Variants in KCND2 observed in about 807,000 individuals in gnomAD.
KCND2 encodes potassium voltage-gated channel subfamily D member 2.
Under a neutral mutation model 54.4 loss-of-function variants are expected in KCND2, and 16 were observed. The observed-to-expected ratio is 0.29, with a 90% CI of 0.20 to 0.45. KCND2 has a LOEUF of 0.45. KCND2 is among the 20% of genes least tolerant of loss of function. The probability of loss-of-function intolerance (pLI) is 1.00; values close to 1 mark genes in which losing one functional copy is unlikely to be tolerated. For synonymous variants in KCND2, 317 were observed against 310.7 expected (o/e 1.02, Z -0.21); for missense variants, 486 against 824.2 (o/e 0.59, Z 5.02).
At chr7:120,713,188 C>CT (rs1234385716) in intron 1 of KCND2, among the ~76,000 whole-genome samples, 1 of 152,128 alleles carries the variant, frequency 6.6e-6, no homozygotes, top group Non-Finnish European at 1.5e-5. Context: ...CCAAGGAGGA[C>CT]TAAAGCTCAG....
chr7:120,685,390 C>T (rs2116595305), intron 1 of KCND2, among the ~76,000 whole-genome samples: 1 of 152,218 alleles, frequency 6.6e-6, no homozygotes, highest in Middle Eastern at 3.4e-3. Flanking sequence ...ATGAGTCTGT[C>T]CAGGTTCTCA....
In KCND2 at chr7:120,594,355, T is replaced by C. The variant is rs1430192335; in HGVS notation, c.1116-138548T>C. Reference sequence around the variant, plus strand: ...ACAAATTACCATAGACTGGGTGGCTTAAGCAACAAGCATTTATTTCTCACA... The same window carrying C: ...ACAAATTACCATAGACTGGGTGGCTCAAGCAACAAGCATTTATTTCTCACA... On this transcript the variant is annotated intron_variant, in intron 1 of 5. Transcript: ENST00000331113. Among the ~76,000 whole-genome samples, 3 of 151,770 alleles carry C rather than the reference T, an allele frequency of 2.0e-5. No individual in the cohort carries two copies. The East Asian group carries it at 5.8e-4, about 29-fold the overall frequency.
intron 1 of KCND2, among the ~76,000 whole-genome samples, chr7:120,307,895 C>CT (rs1799671368): frequency 6.6e-6 from 1 of 152,022 alleles, no homozygotes; most frequent in Non-Finnish European, 1.5e-5. Context: ...GAAATAACTG[C>CT]TTTTTTGTGA....
At chr7:120,546,633 C>G (rs1160078162) in intron 1 of KCND2, among the ~76,000 whole-genome samples, 3 of 152,026 alleles carry the variant, frequency 2.0e-5, no homozygotes, top group East Asian at 3.9e-4. Context: ...TATAATTCTT[C>G]TATCTCCTGG....
chr7:120,345,132 C>A (rs1186567952), intron 1 of KCND2, among the ~76,000 whole-genome samples: 2 of 152,078 alleles, frequency 1.3e-5, no homozygotes, highest in East Asian at 3.9e-4. Flanking sequence ...AAAACACCCA[C>A]AATGTATAAT....
chr7:120,642,580 A>G (rs886528822), intron 1 of KCND2, among the ~76,000 whole-genome samples: 2 of 147,804 alleles, frequency 1.4e-5, no homozygotes, highest in Non-Finnish European at 3.0e-5. Context: ...AAAAAAAAAT[A>G]TATATATATA....
chr7:120,618,427 A>C (rs998882164), intron 1 of KCND2, among the ~76,000 whole-genome samples: 32 of 152,206 alleles, frequency 2.1e-4, no homozygotes, highest in Admixed American at 6.5e-5. Flanking sequence ...ATGTCTCTTC[A>C]AAAAGAATAG....
intron 1 of KCND2, among the ~76,000 whole-genome samples, chr7:120,371,696 T>C (rs1219145030): frequency 6.6e-6 from 1 of 152,050 alleles, no homozygotes; most frequent in East Asian, 1.9e-4. Flanking sequence ...GCTTTATTTT[T>C]ACTGCATTTT....
At chr7:120,715,954 T>C (rs1792597150) in intron 1 of KCND2, among the ~76,000 whole-genome samples, 1 of 152,064 alleles carries the variant, frequency 6.6e-6, no homozygotes, top group Admixed American at 6.6e-5. Context: ...AAATGACAAT[T>C]ACTTCTTTTT....
chr7:120,641,454 T>G (rs981535500), intron 1 of KCND2, among the ~76,000 whole-genome samples: 3 of 152,148 alleles, frequency 2.0e-5, no homozygotes, highest in Admixed American at 2.0e-4. Context: ...CTTGTGTAAA[T>G]CACATTGATA....
In KCND2 at chr7:120,562,962, G is replaced by A. The variant is rs923838375; in HGVS notation, c.1116-169941G>A. 2.5e-4 allele frequency among the ~76,000 whole-genome samples: 38 copies of A among 152,220 alleles called. 1 individual carries two copies. Among genetic ancestry groups the A allele is most frequent in the African/African-American group, 8.7e-4 (36 of 41,566 alleles). On this transcript the variant is annotated intron_variant, in intron 1 of 5. Transcript: ENST00000331113. ...GTATTTTTTGAAAAGATATTTGGCA[G>A]CTGCAATAATATTTAGAAAAAGAAA...
intron 1 of KCND2, among the ~76,000 whole-genome samples, chr7:120,530,124 C>A (rs566751905): frequency 6.6e-6 from 1 of 152,006 alleles, no homozygotes; most frequent in Non-Finnish European, 1.5e-5. Flanking sequence ...GTTCATAGCA[C>A]AACAGATTGA....
intron 1 of KCND2, among the ~76,000 whole-genome samples, chr7:120,469,372 T>G (rs545003639): frequency 1.0e-3 from 154 of 152,280 alleles, no homozygotes; most frequent in African/African-American, 3.4e-3. Context: ...AAGTGTTACA[T>G]ATAATTTCAT....
intron 1 of KCND2, among the ~76,000 whole-genome samples, chr7:120,280,724 A>G (rs1033446933): frequency 2.0e-5 from 3 of 147,982 alleles, no homozygotes; most frequent in African/African-American, 8.0e-5. Context: ...CCATAGTTAC[A>G]TAATTGGATA....
intron 1 of KCND2, among the ~76,000 whole-genome samples, chr7:120,580,175 A>T (rs535557422): frequency 6.6e-6 from 1 of 152,338 alleles, no homozygotes; most frequent in South Asian, 2.1e-4. Context: ...AAGATTTGTC[A>T]TCAGGCATTA....
At chr7:120,673,852 T>A (rs1035065571) in intron 1 of KCND2, among the ~76,000 whole-genome samples, 1 of 151,970 alleles carries the variant, frequency 6.6e-6, no homozygotes, top group African/African-American at 2.4e-5. Flanking sequence ...GAAGGTTGAA[T>A]AATCTTTCCT....
intron 1 of KCND2, among the ~76,000 whole-genome samples, chr7:120,568,491 T>C (rs1792325334): frequency 6.6e-6 from 1 of 152,122 alleles, no homozygotes; most frequent in South Asian, 2.1e-4. Context: ...TATCTTACTT[T>C]AGGGCAAAGT....
intron 1 of KCND2, among the ~76,000 whole-genome samples, chr7:120,612,754 T>G (rs1792972373): frequency 6.6e-6 from 1 of 152,194 alleles, no homozygotes; most frequent in Admixed American, 6.5e-5. Flanking sequence ...TGTTATTAGT[T>G]CTTATAATGT....
intron 1 of KCND2, among the ~76,000 whole-genome samples, chr7:120,612,972 C>G (rs1340177638): frequency 6.6e-6 from 1 of 151,990 alleles, no homozygotes; most frequent in Non-Finnish European, 1.5e-5. Flanking sequence ...CCCAAATGAA[C>G]TGCTCATTAT....
Sources: allele counts gnomAD v4.1 joint callset (sites outside exome capture counted in the v4.1 genomes callset), GRCh38; gene constraint gnomAD v4.1.1; transcripts MANE v1.5; gene names NCBI Gene and HGNC (gene_info 2026-07-23, HGNC 2026-07-21).